The following CREB5 variants were observed in gnomAD, a reference collection of about 807,000 sequenced individuals.
CREB5 encodes cAMP responsive element binding protein 5, also known as cyclic AMP-responsive element-binding protein 5.
In CREB5, 19 loss-of-function variants were observed where a neutral mutation model predicts 57.1. The ratio of observed to expected loss-of-function variants is 0.33; its 90% CI spans 0.23 to 0.49. The LOEUF is 0.49. CREB5 is among the 20% of genes least tolerant of loss of function. CREB5 has a pLI of 0.99. For missense variants in CREB5, 579 were observed against 671.6 expected, an observed-to-expected ratio of 0.86 and a Z score of 1.52; for synonymous variants, 238 against 238.3, an observed-to-expected ratio of 1.00 and a Z score of 0.01.
intron 1 of CREB5, among the ~76,000 whole-genome samples, chr7:28,301,467 G>A (rs578158541): frequency 6.6e-6 from 1 of 152,314 alleles, no homozygotes; most frequent in South Asian, 2.1e-4. Flanking sequence ...CCGAAAGTCT[G>A]AAAGTCTGCA....
intron 7 of CREB5, among the ~76,000 whole-genome samples, chr7:28,776,806 G>A (rs780933079): frequency 2.0e-5 from 3 of 152,088 alleles, no homozygotes; most frequent in Non-Finnish European, 2.9e-5. Context: ...GTGGCCTTTT[G>A]TGGCCACCTT....
At chr7:28,811,802 A>C (rs1809135755) in intron 9 of CREB5, among the ~76,000 whole-genome samples, 1 of 152,240 alleles carries the variant, frequency 6.6e-6, no homozygotes, top group Non-Finnish European at 1.5e-5. Flanking sequence ...TAATTTGCAC[A>C]AACATGTTAA....
At chr7:28,364,876 C>A (rs1786556517) in intron 1 of CREB5, among the ~76,000 whole-genome samples, 1 of 152,166 alleles carries the variant, frequency 6.6e-6, no homozygotes. Context: ...TGGCATCTTA[C>A]TATTTCACCC....
upstream of CREB5, chr7:28,410,606 C>T: frequency 2.2e-6 from 1 of 452,984 alleles, no homozygotes; most frequent in Non-Finnish European, 4.5e-6. Context: ...TGGACCGGTG[C>T]CGCCCCCACT....
intron 4 of CREB5, among the ~76,000 whole-genome samples, chr7:28,511,628 G>T (rs905264968): frequency 6.6e-6 from 1 of 152,124 alleles, no homozygotes; most frequent in Non-Finnish European, 1.5e-5. Context: ...GGGACTACAG[G>T]TACCCACCAC....
At chr7:28,462,746 AT>A (rs1243153846) in intron 1 of CREB5, among the ~76,000 whole-genome samples, 1 of 152,094 alleles carries the variant, frequency 6.6e-6, no homozygotes, top group African/African-American at 2.4e-5. Context: ...CATTTGCTCC[AT>A]TTTTAATTAG....
chr7:28,500,840 A>T (rs1025285451), intron 3 of CREB5, among the ~76,000 whole-genome samples: 4 of 152,086 alleles, frequency 2.6e-5, no homozygotes, highest in Non-Finnish European at 4.4e-5. Flanking sequence ...GCACACACAC[A>T]CGTGACCCAT....
chr7:28,487,478 A>C lies in CREB5; in HGVS notation c.4-697A>C, dbSNP rs766363106. Among the ~76,000 whole-genome samples, 7 of 152,340 alleles carry C rather than the reference A, an allele frequency of 4.6e-5. No homozygotes were observed. The East Asian group carries it at 1.2e-3, about 25-fold the overall frequency. ...GCTGTTAATTTCAAGTCAGCTTATA[A>C]AGCCAAATTAATGAAATATCCAACG... On this transcript the variant is annotated intron_variant, in intron 1 of 10. Transcript: ENST00000357727.
At chr7:28,519,075 G>A (rs1320199499) in intron 4 of CREB5, among the ~76,000 whole-genome samples, 2 of 152,158 alleles carry the variant, frequency 1.3e-5, no homozygotes, top group Non-Finnish European at 2.9e-5. Flanking sequence ...ACTACAAGAA[G>A]TGTCCAAAAA....
At chr7:28,631,192 A>G (rs1798188796) in intron 5 of CREB5, among the ~76,000 whole-genome samples, 1 of 152,166 alleles carries the variant, frequency 6.6e-6, no homozygotes, top group South Asian at 2.1e-4. Flanking sequence ...GTTGATTCCT[A>G]ATCACTGACT....
At chr7:28,454,378 AC>A (rs1393306603) in intron 1 of CREB5, among the ~76,000 whole-genome samples, 3 of 152,150 alleles carry the variant, frequency 2.0e-5, no homozygotes, top group African/African-American at 7.2e-5. Context: ...TTCCTGGGGC[AC>A]CAGATTGGCC....
chr7:28,508,949 T>G (rs537106415), intron 4 of CREB5, among the ~76,000 whole-genome samples: 58 of 152,306 alleles, frequency 3.8e-4, no homozygotes, highest in South Asian at 3.7e-3. Flanking sequence ...ATAAAAGACA[T>G]GCATTCTATA....
intron 5 of CREB5, among the ~76,000 whole-genome samples, chr7:28,691,026 G>C (rs1434033945): frequency 2.0e-5 from 3 of 152,210 alleles, no homozygotes; most frequent in Admixed American, 6.5e-5. Context: ...TGGAAGAAAG[G>C]ATGCTTACTG....
At chr7:28,605,032 G>A (rs1386315996) in intron 5 of CREB5, among the ~76,000 whole-genome samples, 2 of 151,844 alleles carry the variant, frequency 1.3e-5, no homozygotes, top group African/African-American at 4.8e-5. Context: ...AAAAATTTAT[G>A]CCCTTTCTCA....
At chr7:28,562,778 TTA>T (rs1190968085) in intron 4 of CREB5, among the ~76,000 whole-genome samples, 1 of 152,226 alleles carries the variant, frequency 6.6e-6, no homozygotes, top group Non-Finnish European at 1.5e-5. Flanking sequence ...TTGATCCAAA[TTA>T]GTGGTATGCC....
At position 28,495,025 on chromosome 7, in the gene CREB5, T is replaced by G. The variant is rs1277030528; in HGVS notation, c.169+26T>G. On this transcript the variant is annotated intron_variant, in intron 3 of 10. Coordinates refer to ENST00000357727, the MANE Select transcript of CREB5 (RefSeq NM_182898.4). ...GTAAGGAGCCATCAGGAAAAGAAGC[T>G]TTGGGTGATCAGATCTGTTCCATGC... 5 of 1,536,188 alleles carry G rather than the reference T, an allele frequency of 3.3e-6. No homozygotes were observed. The African/African-American group carries it at 5.6e-5, about 17-fold the overall frequency.
At chr7:28,543,831 T>A (rs1047240749) in intron 4 of CREB5, among the ~76,000 whole-genome samples, 1 of 151,698 alleles carries the variant, frequency 6.6e-6, no homozygotes, top group Non-Finnish European at 1.5e-5. Flanking sequence ...GGGCATGGTG[T>A]TGAGGGAAGC....
chr7:28,516,608 A>G (rs1297113900), intron 4 of CREB5, among the ~76,000 whole-genome samples: 1 of 152,208 alleles, frequency 6.6e-6, no homozygotes, highest in Non-Finnish European at 1.5e-5. Flanking sequence ...TGCAGCTGAA[A>G]ATCAGTCCAA....
chr7:28,681,553 A>G (rs1800593622), intron 5 of CREB5, among the ~76,000 whole-genome samples: 1 of 152,086 alleles, frequency 6.6e-6, no homozygotes. Context: ...TTAGGGACCT[A>G]CTATGTATGG....
Sources: allele counts gnomAD v4.1 joint callset (sites outside exome capture counted in the v4.1 genomes callset), GRCh38; gene constraint gnomAD v4.1.1; transcripts MANE v1.5; gene names NCBI Gene and HGNC (gene_info 2026-07-23, HGNC 2026-07-21).